KRT72: variants seen among roughly 807,000 people sequenced by gnomAD.
KRT72 encodes keratin, type II cytoskeletal 72.
KRT72 carries 44 observed loss-of-function variants against 44.7 expected under a neutral mutation model. The ratio of observed to expected loss-of-function variants is 0.98; its 90% CI spans 0.77 to 1.27. The LOEUF (loss-of-function observed/expected upper bound fraction) is 1.27, where lower values mean the gene tolerates loss of function less well. Ranked by LOEUF, KRT72 falls within the 50% of genes most tolerant of loss-of-function variation. KRT72 has a pLI of 0.00. For missense variants in KRT72, 736 were observed against 667.1 expected (o/e 1.10, Z -1.14); for synonymous variants, 302 against 280.4 (o/e 1.08, Z -0.77).
chr12:52,600,251 T>TCAAGCAC (rs1940374384), intron 1 of KRT72, among the ~76,000 whole-genome samples: 1 of 152,136 alleles, frequency 6.6e-6, no homozygotes, highest in Non-Finnish European at 1.5e-5. Context: ...ACCCCACTCC[T>TCAAGCAC]CAAGCACCAA....
chr12:52,596,146 C>T (rs12821827), intron 2 of KRT72, among the ~76,000 whole-genome samples: 20,097 of 152,152 alleles, frequency 0.13, 1,746 homozygotes, highest in East Asian at 0.5. Flanking sequence ...GTCAATCATG[C>T]AGCATGTTAG....
chr12:52,585,875 A>G lies in KRT72; in HGVS notation c.*107T>C, dbSNP rs1565612678. On this transcript the variant is annotated 3_prime_UTR_variant, in exon 9 of 9. Transcript: ENST00000293745. ...GGAGAGGAAATGGGGTTGGGACTGT[A>G]GTGACAGACAAAGCATTTCTTGACT... is the stretch of plus-strand genomic sequence containing the variant. The G allele has an allele frequency of 1.4e-5, 14 of 1,011,750 alleles. No individual in the cohort carries two copies. The highest frequency in any genetic ancestry group is 1.7e-5 in the Non-Finnish European group (11 of 664,880). 62.7% of individuals were successfully genotyped at this position (1,011,750 alleles called of 1,614,324 possible).
chr12:52,591,403 C>T (rs1307532804), intron 5 of KRT72, 61 bp downstream of exon 5: 11 of 1,546,034 alleles, frequency 7.1e-6, no homozygotes, highest in East Asian at 4.5e-5. Flanking sequence ...TACACATGCA[C>T]ACATACTGAG....
At chr12:52,588,321 T>C (rs1043302157) in intron 6 of KRT72, among the ~76,000 whole-genome samples, 1 of 152,212 alleles carries the variant, frequency 6.6e-6, no homozygotes, top group Non-Finnish European at 1.5e-5. Context: ...CTTGCCACAC[T>C]TAGAGTTTGG....
intron 3 of KRT72, 87 bp downstream of exon 3, chr12:52,592,805 A>G: frequency 8.6e-7 from 1 of 1,159,114 alleles, no homozygotes; most frequent in Non-Finnish European, 1.3e-6. Flanking sequence ...TGAGTGACCT[A>G]CAGGGCCCCT....
chr12:52,592,606 G>C, intron 3 of KRT72, 115 bp from the exon 4 acceptor site: 2 of 772,110 alleles, frequency 2.6e-6, no homozygotes, highest in African/African-American at 3.5e-5. Context: ...TTCATGGGGG[G>C]CTCCCTGAGA....
At chr12:52,593,872 G>T (rs913998487) in intron 2 of KRT72, among the ~76,000 whole-genome samples, 1 of 152,144 alleles carries the variant, frequency 6.6e-6, no homozygotes, top group Non-Finnish European at 1.5e-5. Context: ...GCTAGGAAGA[G>T]GGGAGGGAAG....
intron 4 of KRT72, 51 bp downstream of exon 4, chr12:52,592,345 A>G: frequency 7.5e-7 from 1 of 1,326,622 alleles, no homozygotes; most frequent in Non-Finnish European, 1.1e-6. Context: ...GGGGCCAGAA[A>G]CCTCTTGTTA....
chr12:52,587,915 A>T, intron 6 of KRT72, 64 bp from the exon 7 acceptor site: 1 of 1,481,792 alleles, frequency 6.7e-7, no homozygotes, highest in Non-Finnish European at 9.2e-7. Context: ...TGCTTGGACA[A>T]CCTCCCCTTG....
In KRT72 at chr12:52,586,654, GA is replaced by G. The variant is rs768445166; in HGVS notation, c.1345+291del. On this transcript the variant is annotated intron_variant, in intron 8 of 8. Transcript: ENST00000293745. ...CCTCAATTCCCCTTAACTGCAATCT[GA>G]GGCCTTTGCTTTGGTCAACAGAAAA... Among the ~76,000 whole-genome samples, 261 of 152,310 alleles carry G rather than the reference GA, an allele frequency of 1.7e-3. 1 individual carries two copies. Among genetic ancestry groups the G allele is most frequent in the Middle Eastern group, 6.8e-3 (2 of 294 alleles).
Position 52,585,756 on chromosome 12 carries a change from C to A in KRT72, c.*226G>T. 1 of 521,980 alleles carries A rather than the reference C, an allele frequency of 1.9e-6. No homozygotes were observed. Among genetic ancestry groups the A allele is most frequent in the Admixed American group, 3.5e-5 (1 of 28,846 alleles). The allele number at this position is 521,980 out of a possible 1,614,324, so 32.3% of individuals were successfully genotyped here. A position where few individuals can be genotyped will look rare whatever the true frequency, so the allele number is the denominator to read the frequency against. ...GTAAGTGTTGTCTTTGCATTTCAGG[C>A]AATGACCCAACGAAACGGGACCAAG... On this transcript the variant is annotated 3_prime_UTR_variant, in exon 9 of 9. Transcript: ENST00000293745.
At chr12:52,597,895 T>C (rs374595596) in intron 2 of KRT72, among the ~76,000 whole-genome samples, 1 of 152,184 alleles carries the variant, frequency 6.6e-6, no homozygotes, top group Non-Finnish European at 1.5e-5. Flanking sequence ...AACTAGTTCA[T>C]GGTGATTCAG....
Position 52,586,073 on chromosome 12 carries a change from A to G in KRT72, c.1445T>C (p.Val482Ala), listed in dbSNP as rs1304413015. 1 of 1,614,154 alleles carries G rather than the reference A, an allele frequency of 6.2e-7. No individual in the cohort carries two copies. The highest frequency in any genetic ancestry group is 2.2e-5 in the East Asian group (1 of 44,868). ...SYSYKTAAADVKTKGSCGSEL... is the reference protein window; with the variant it reads ...SYSYKTAAADAKTKGSCGSEL... ...ACTGCCACAGCTGCCTTTGGTCTTG[A>G]CGTCTGCAGCTGCAGTTTTGTAGCT... Residue 482 changes from valine to alanine, a missense_variant, in exon 9 of 9, where the codon GTC becomes GCC. Coordinates refer to ENST00000293745, the MANE Select transcript of KRT72 (RefSeq NM_080747.3).
chr12:52,595,256 CTTA>C (rs2120784242), intron 2 of KRT72, among the ~76,000 whole-genome samples: 1 of 151,818 alleles, frequency 6.6e-6, no homozygotes, highest in South Asian at 2.1e-4. Flanking sequence ...TTAAAAATAA[CTTA>C]TTATTTAAAA....
upstream of KRT72, chr12:52,601,562 TA>T (rs1322641460): frequency 8.9e-7 from 1 of 1,119,652 alleles, no homozygotes; most frequent in Admixed American, 2.5e-5. Context: ...GGAGTCAGCC[TA>T]ATTTGTATGT....
chr12:52,588,291 T>C (rs1159075808), intron 6 of KRT72, among the ~76,000 whole-genome samples: 2 of 152,258 alleles, frequency 1.3e-5, no homozygotes, highest in African/African-American at 4.8e-5. Context: ...AAAGTTCCTA[T>C]TAATAAATTG....
rs986347378 is a variant in KRT72, at chr12:52,598,578, G to A, written c.641+320C>T. Among the ~76,000 whole-genome samples the A allele has an allele frequency of 2.0e-5, 3 of 152,050 alleles. No individual in the cohort carries two copies. The South Asian group carries it at 6.2e-4, about 32-fold the overall frequency. ...TTAAAATTTGCCCTGGAATTGGTGG[G>A]GTGTCTTACATTCTGGGAACTGCCA... On this transcript the variant is annotated intron_variant, in intron 2 of 8. Coordinates refer to ENST00000293745, the MANE Select transcript of KRT72 (RefSeq NM_080747.3).
Position 52,597,872 on chromosome 12 carries a change from T to C in KRT72, c.641+1026A>G, listed in dbSNP as rs144153226. Among the ~76,000 whole-genome samples, 9 of 152,346 alleles carry C rather than the reference T, an allele frequency of 5.9e-5. No homozygotes were observed. The East Asian group carries it at 1.7e-3, about 29-fold the overall frequency. On this transcript the variant is annotated intron_variant, in intron 2 of 8. Coordinates refer to ENST00000293745, the MANE Select transcript of KRT72 (RefSeq NM_080747.3). ...AGTTCACAGAGGACACAGAGACTCA[T>C]CTGTGGTTGCTCAACTAGTTCATGG...
At chr12:52,590,720 G>A (rs1939971028) in intron 6 of KRT72, 116 bp downstream of exon 6, 1 of 974,732 alleles carries the variant, frequency 1.0e-6, no homozygotes, top group East Asian at 2.5e-5. Flanking sequence ...ATCCTCTCCT[G>A]GTAAATTAGA....
Sources: gnomAD v4.1 joint callset for allele counts (sites outside exome capture counted in the v4.1 genomes callset) on GRCh38, gnomAD v4.1.1 for gene constraint, MANE v1.5 for transcripts, NCBI Gene and HGNC (gene_info 2026-07-23, HGNC 2026-07-21) for gene names.